Variants in FBXO10 observed in about 807,000 individuals in gnomAD.
FBXO10 encodes F-box only protein 10.
In FBXO10, 39 loss-of-function variants were observed where a neutral mutation model predicts 80.7. The ratio of observed to expected loss-of-function variants is 0.48; its 90% CI spans 0.37 to 0.63. The LOEUF (loss-of-function observed/expected upper bound fraction) is 0.63. FBXO10 is among the 30% of genes least tolerant of loss of function. The pLI is 0.00. For synonymous variants in FBXO10, 449 were observed against 489.6 expected (o/e 0.92, Z 1.09); for missense variants, 1,025 against 1,269.0 (o/e 0.81, Z 2.92).
intron 2 of FBXO10, among the ~76,000 whole-genome samples, chr9:37,538,707 C>CTAA (rs1821842019): frequency 8.2e-6 from 1 of 122,502 alleles, no homozygotes; most frequent in African/African-American, 4.9e-5. Context: ...GACTCGGTGT[C>CTAA]CAAAAAAAAA....
At chr9:37,538,138 T>C (rs1327741544) in intron 2 of FBXO10, among the ~76,000 whole-genome samples, 195 bp from the exon 3 acceptor site, 1 of 152,066 alleles carries the variant, frequency 6.6e-6, no homozygotes, top group Non-Finnish European at 1.5e-5. Flanking sequence ...GGAGGGAAAC[T>C]GGAGCTGCCC....
chr9:37,535,547 G>A lies in FBXO10; in HGVS notation c.1419+1563C>T, dbSNP rs547578521. Among the ~76,000 whole-genome samples, 195 of 151,938 alleles carry A rather than the reference G, an allele frequency of 1.3e-3. No homozygotes were observed. The South Asian group carries it at 0.04, about 31-fold the overall frequency. ...TTTTTTATTTTATTTTAGTAGAGAC[G>A]GGGTTTCACCGTGTTGCCCAGGCTG... On this transcript the variant is annotated intron_variant, in intron 3 of 10. Coordinates refer to ENST00000432825, the MANE Select transcript of FBXO10 (RefSeq NM_012166.3).
At chr9:37,542,623 C>T (rs994850570) in intron 1 of FBXO10, among the ~76,000 whole-genome samples, 5 of 150,682 alleles carry the variant, frequency 3.3e-5, no homozygotes, top group African/African-American at 1.2e-4. Flanking sequence ...GGATACGACT[C>T]CGGAACTGCC....
chr9:37,520,339 T>C (rs1341222464), intron 8 of FBXO10, among the ~76,000 whole-genome samples: 1 of 147,010 alleles, frequency 6.8e-6, no homozygotes, highest in Non-Finnish European at 1.5e-5. Context: ...TTTTTCCTTT[T>C]AAGACAGGGT....
In FBXO10 at chr9:37,537,809, C is replaced by G. The variant is rs1554759625; in HGVS notation, c.720G>C (p.Leu240=). The change falls in exon 3 of 11, where the codon CTG becomes CTC. Residue 240 remains leucine (L), a synonymous_variant. Transcript: ENST00000432825. ...NTHIFLHNVP[L]CVLENCEFVG... is the part of the protein sequence containing the mutation. ...CAAATTCACAGTTTTCCAGGACACA[C>G]AGGGGCACGTTGTGCAGGAAGATAT... The G allele has an allele frequency of 6.2e-7, 1 of 1,613,980 alleles. No homozygotes were observed. Among genetic ancestry groups the G allele is most frequent in the Non-Finnish European group, 8.5e-7 (1 of 1,179,894 alleles).
rs1271290561 is a variant in FBXO10 at position 37,540,192 on chromosome 9, AT to A, written c.585+991del. Among the ~76,000 whole-genome samples, 217 of 147,166 alleles carry A rather than the reference AT, an allele frequency of 1.5e-3. 9 individuals carry two copies. Among genetic ancestry groups the A allele is most frequent in the South Asian group, 1.5e-3 (7 of 4,628 alleles). On this transcript the variant is annotated intron_variant, in intron 2 of 10. Coordinates refer to ENST00000432825, the MANE Select transcript of FBXO10 (RefSeq NM_012166.3). ...TACTTTTAAAAATCATATATATATG[AT>A]TTTTTTTTTTTGAGACAAAGTCTCA...
chr9:37,515,816 CA>C lies in FBXO10; in HGVS notation c.2696+87del. 9 of 1,394,482 alleles carry C rather than the reference CA, an allele frequency of 6.5e-6. 1 individual carries two copies. In the South Asian group the frequency reaches 1.2e-4, roughly 19 times the overall value. The allele number at this position is 1,394,482 out of a possible 1,614,324, so 86.4% of individuals were successfully genotyped here. Reference sequence around the variant, plus strand: ...CTGGCAGGGTTGCAGGGAGCCCGGGCAGCCACAATCCCTGGGTGTGGGCCTG... The same window carrying C: ...CTGGCAGGGTTGCAGGGAGCCCGGGCGCCACAATCCCTGGGTGTGGGCCTG... On this transcript the variant is annotated intron_variant, in intron 10 of 10. Coordinates refer to ENST00000432825, the MANE Select transcript of FBXO10 (RefSeq NM_012166.3).
intron 1 of FBXO10, among the ~76,000 whole-genome samples, chr9:37,564,277 G>A (rs1313314358): frequency 6.6e-6 from 1 of 152,268 alleles, no homozygotes; most frequent in Non-Finnish European, 1.5e-5. Flanking sequence ...ACAGCTGGAT[G>A]TCCAGGAAGA....
chr9:37,523,263 G>C (rs1256869535), intron 6 of FBXO10, among the ~76,000 whole-genome samples: 1 of 152,060 alleles, frequency 6.6e-6, no homozygotes, highest in Non-Finnish European at 1.5e-5. Flanking sequence ...AAATGAACTA[G>C]TTTTGGCCAG....
chr9:37,538,388 G>A (rs7048273), intron 2 of FBXO10, among the ~76,000 whole-genome samples: 83,529 of 151,990 alleles, frequency 0.55, 24,049 homozygotes, highest in Middle Eastern at 0.69. Flanking sequence ...TACTGCCATT[G>A]CCAGGAAGCA....
At chr9:37,538,026 A>G (rs1340464141) in intron 2 of FBXO10, 83 bp from the exon 3 acceptor site, 72 of 1,056,964 alleles carry the variant, frequency 6.8e-5, no homozygotes, top group Non-Finnish European at 4.3e-6. Flanking sequence ...AGGGTAGAAC[A>G]TGGAAAGGCC....
intron 1 of FBXO10, among the ~76,000 whole-genome samples, chr9:37,564,136 T>C (rs1320616124): frequency 6.6e-6 from 1 of 152,264 alleles, no homozygotes; most frequent in African/African-American, 2.4e-5. Flanking sequence ...AAGGTACAGC[T>C]TGGGCCATTG....
In FBXO10 at chr9:37,537,736, C is replaced by T; in HGVS notation, c.793G>A (p.Asp265Asn). ...AGATACTTGTAGGCCCAGTTCTTAT[C>T]TGCAGATGGGTGACCCTCAACAGTC... ...SVTVEGHPSA[D>N]KNWAYKYLLG... The change falls in exon 3 of 11, where the codon GAT (aspartate) becomes AAT (asparagine). Residue 265 changes from aspartate to asparagine, a missense_variant. Coordinates refer to ENST00000432825, the MANE Select transcript of FBXO10 (RefSeq NM_012166.3). 2 of 1,614,024 alleles carry T rather than the reference C, an allele frequency of 1.2e-6. No individual in the cohort carries two copies. The highest frequency in any genetic ancestry group is 2.2e-5 in the South Asian group (2 of 91,086).
chr9:37,560,786 G>C (rs1026775647), intron 1 of FBXO10, among the ~76,000 whole-genome samples: 1 of 152,170 alleles, frequency 6.6e-6, no homozygotes, highest in African/African-American at 2.4e-5. Flanking sequence ...ATGGAAGCCT[G>C]TCTGGGATGG....
intron 1 of FBXO10, among the ~76,000 whole-genome samples, chr9:37,547,181 C>A (rs1425548127): frequency 6.6e-6 from 1 of 152,210 alleles, no homozygotes; most frequent in Non-Finnish European, 1.5e-5. Context: ...ACCCAAACAT[C>A]CATCAACAGA....
intron 1 of FBXO10, among the ~76,000 whole-genome samples, chr9:37,554,307 A>G (rs192892168): frequency 6.6e-6 from 1 of 152,332 alleles, no homozygotes; most frequent in Non-Finnish European, 1.5e-5. Flanking sequence ...AAAATGTTAT[A>G]TAAGTGGAAT....
chr9:37,548,886 C>A (rs1299286899), intron 1 of FBXO10, among the ~76,000 whole-genome samples: 1 of 152,082 alleles, frequency 6.6e-6, no homozygotes, highest in Admixed American at 6.5e-5. Context: ...GTAGCTGGGA[C>A]TACAGGCGCC....
chr9:37,569,312 TGAATTAA>T lies in FBXO10; in HGVS notation c.-7+6892_-7+6898del, dbSNP rs548362837. 4.8e-3 allele frequency among the ~76,000 whole-genome samples: 711 copies of T among 149,026 alleles called. 5 individuals are homozygous for T. The highest frequency in any genetic ancestry group is 0.016 in the African/African-American group (667 of 40,612). On this transcript the variant is annotated intron_variant, in intron 1 of 10. Coordinates refer to ENST00000432825, the MANE Select transcript of FBXO10 (RefSeq NM_012166.3). The stretch of plus-strand genomic sequence containing the variant: ...AAGGCAGCTTCATAATGATAAAAAG[TGAATTAA>T]GAATTAAGAATTAAGAAGATAAAAC...
At chr9:37,544,532 A>C (rs1430652284) in intron 1 of FBXO10, among the ~76,000 whole-genome samples, 2 of 152,224 alleles carry the variant, frequency 1.3e-5, no homozygotes, top group Non-Finnish European at 2.9e-5. Context: ...AATGCTAATC[A>C]TACTTGTCAG....
Sources: allele counts gnomAD v4.1 joint callset (sites outside exome capture counted in the v4.1 genomes callset), GRCh38; gene constraint gnomAD v4.1.1; transcripts MANE v1.5; gene names NCBI Gene and HGNC (gene_info 2026-07-23, HGNC 2026-07-21).